Variants in GRIK3 observed in about 807,000 individuals in gnomAD.
GRIK3 encodes glutamate receptor ionotropic, kainate 3.
GRIK3 carries 29 observed loss-of-function variants against 102.5 expected under a neutral mutation model. The observed-to-expected ratio is 0.28, with a 90% CI of 0.21 to 0.39. The LOEUF is 0.39. Among genes scored for constraint, GRIK3 ranks in the 10% least tolerant of loss-of-function variants. The pLI is 1.00. For synonymous variants in GRIK3, 511 were observed against 504.9 expected (o/e 1.01, Z -0.16); for missense variants, 908 against 1,252.4 (o/e 0.73, Z 4.15).
At chr1:36,915,074 A>G (rs1461042218) in intron 1 of GRIK3, among the ~76,000 whole-genome samples, 2 of 152,216 alleles carry the variant, frequency 1.3e-5, no homozygotes, top group Non-Finnish European at 2.9e-5. Context: ...AACACCCCAG[A>G]AAAAGATGTT....
intron 4 of GRIK3, among the ~76,000 whole-genome samples, chr1:36,870,703 C>A (rs1640833377): frequency 1.3e-5 from 2 of 152,302 alleles, no homozygotes; most frequent in African/African-American, 2.4e-5. Context: ...ATCAGACAGA[C>A]CTGGGAGTCC....
chr1:37,026,729 C>A (rs1326783037), intron 1 of GRIK3, among the ~76,000 whole-genome samples: 1 of 151,988 alleles, frequency 6.6e-6, no homozygotes, highest in East Asian at 1.9e-4. Flanking sequence ...CGGTGACTTC[C>A]CCAAGGTCAC....
At chr1:36,843,338 A>G (rs959224236) in intron 9 of GRIK3, among the ~76,000 whole-genome samples, 2 of 152,150 alleles carry the variant, frequency 1.3e-5, no homozygotes, top group Admixed American at 1.3e-4. Context: ...ATTCAACACA[A>G]TTGAGTTCCT....
intron 10 of GRIK3, among the ~76,000 whole-genome samples, chr1:36,834,954 T>C (rs1480710771): frequency 6.6e-6 from 1 of 152,232 alleles, no homozygotes; most frequent in East Asian, 1.9e-4. Flanking sequence ...AGCAGCCTAA[T>C]AGTCACTTCC....
intron 1 of GRIK3, among the ~76,000 whole-genome samples, chr1:36,931,196 G>C (rs566438897): frequency 4.6e-5 from 7 of 152,330 alleles, no homozygotes; most frequent in African/African-American, 1.7e-4. Context: ...GGAGACCTGA[G>C]ATGACTCTTA....
In GRIK3 at chr1:36,868,715, T is replaced by C. The variant is rs1056630479; in HGVS notation, c.786+1033A>G. On this transcript the variant is annotated intron_variant, in intron 5 of 15. Transcript: ENST00000373091. ...GCCTCTTGGCCTTTGCTTATGCTGT[T>C]CCTTCTGCATACAATGTCCTTCCTC... Among the ~76,000 whole-genome samples the C allele has an allele frequency of 8.5e-5, 13 of 152,232 alleles. 1 individual carries two copies. Among genetic ancestry groups the C allele is most frequent in the African/African-American group, 3.1e-4 (13 of 41,464 alleles).
At chr1:36,908,284 G>A (rs148186156) in intron 1 of GRIK3, among the ~76,000 whole-genome samples, 2 of 152,332 alleles carry the variant, frequency 1.3e-5, no homozygotes, top group Non-Finnish European at 2.9e-5. Flanking sequence ...TTACTGGGGG[G>A]CAGTGTCAAC....
At chr1:36,991,570 G>C (rs1384262407) in intron 1 of GRIK3, among the ~76,000 whole-genome samples, 2 of 152,196 alleles carry the variant, frequency 1.3e-5, no homozygotes, top group Non-Finnish European at 2.9e-5. Context: ...GGTGTGAAAA[G>C]CAACGTGCCT....
intron 1 of GRIK3, among the ~76,000 whole-genome samples, chr1:36,961,426 G>A (rs942532685): frequency 5.9e-5 from 9 of 152,200 alleles, no homozygotes; most frequent in Admixed American, 4.6e-4. Context: ...GAGAGAGGAC[G>A]AGGACAGTGG....
At chr1:36,907,803 GGGCACCACAGA>G (rs1292035517) in intron 1 of GRIK3, among the ~76,000 whole-genome samples, 1 of 152,032 alleles carries the variant, frequency 6.6e-6, no homozygotes, top group Non-Finnish European at 1.5e-5. Flanking sequence ...AAATATTGAG[GGGCACCACAGA>G]GGTTCAGAGA....
At chr1:36,858,104 T>C (rs1212785522) in intron 7 of GRIK3, among the ~76,000 whole-genome samples, 1 of 152,232 alleles carries the variant, frequency 6.6e-6, no homozygotes, top group Non-Finnish European at 1.5e-5. Context: ...CCACTGCCCT[T>C]GGTGTTGCCT....
At chr1:37,033,560 TG>T in intron 1 of GRIK3, among the ~76,000 whole-genome samples, 1 of 151,706 alleles carries the variant, frequency 6.6e-6, no homozygotes, top group East Asian at 2.0e-4. Context: ...ATGCCAGAGG[TG>T]GGGACGAAGG....
At chr1:36,957,405 CGTG>C (rs1641925515) in intron 1 of GRIK3, among the ~76,000 whole-genome samples, 4 of 122,130 alleles carry the variant, frequency 3.3e-5, no homozygotes, top group African/African-American at 9.8e-5. Flanking sequence ...ATCTGTGCCC[CGTG>C]AGCCTGTGTG....
intron 1 of GRIK3, among the ~76,000 whole-genome samples, chr1:37,017,396 G>A (rs78906094): frequency 0.051 from 3,614 of 70,564 alleles, 202 homozygotes; most frequent in African/African-American, 0.16. Flanking sequence ...AAAAAAAAAA[G>A]AAGAAGAAAA....
Position 36,850,287 on chromosome 1 carries a change from C to T in GRIK3, c.1326+24G>A. 1.4e-6 allele frequency: 2 copies of T among 1,475,836 alleles called. No homozygotes were observed. Among genetic ancestry groups the T allele is most frequent in the South Asian group, 2.3e-5 (2 of 88,480 alleles). 91.4% of individuals were successfully genotyped at this position (1,475,836 alleles called of 1,614,324 possible). A position where few individuals can be genotyped will look rare whatever the true frequency, so the allele number is the denominator to read the frequency against. On this transcript the variant is annotated intron_variant, in intron 9 of 15. Transcript: ENST00000373091. This position sits in a 1 kb window ranked among gnomAD's most constrained non-coding sequence, Gnocchi z 4.0. The stretch of plus-strand genomic sequence containing the variant: ...CCCACCCCCAGGTCGGACAGTCCTT[C>T]CTGCAGGGGCTGCAGGCTCTTACCA...
At chr1:37,004,468 C>G (rs772899015) in intron 1 of GRIK3, among the ~76,000 whole-genome samples, 1 of 152,178 alleles carries the variant, frequency 6.6e-6, no homozygotes. Flanking sequence ...CAGTGGGGGT[C>G]TGGGGTCTGA....
Position 36,806,256 on chromosome 1 carries a change from T to C in GRIK3, c.2162A>G (p.Asn721Ser). Residue 721 changes from asparagine (N) to serine (S), a missense_variant, in exon 14 of 16, where the codon AAC becomes AGC. By Grantham distance (46) the Asn-to-Ser change is conservative. This residue lies in a region of GRIK3 where 297 missense variants were observed against 362.7 expected (regional missense o/e 0.82). Coordinates refer to ENST00000373091, the MANE Select transcript of GRIK3 (RefSeq NM_000831.4). The surrounding 1 kb of genome is among the most constrained non-coding windows in gnomAD (Gnocchi z 4.0). ...MSSKPSALVK[N>S]NEEGIQRALT... ...GGCCCTCTGGATGCCCTCCTCGTTG[T>C]TCTTCACCAGCGCCGATGGCTTGCT... 2 of 1,614,216 alleles carry C rather than the reference T, an allele frequency of 1.2e-6. No individual in the cohort carries two copies. The highest frequency in any genetic ancestry group is 1.7e-6 in the Non-Finnish European group (2 of 1,180,004).
At chr1:36,896,798 A>C (rs1360638047) in intron 1 of GRIK3, among the ~76,000 whole-genome samples, 1 of 152,194 alleles carries the variant, frequency 6.6e-6, no homozygotes. Context: ...ACATAAAATA[A>C]AAGTAAATGA....
At position 36,912,693 on chromosome 1, in the gene GRIK3, C is replaced by T. The variant is rs77772332; in HGVS notation, c.116-21597G>A. On this transcript the variant is annotated intron_variant, in intron 1 of 15. Transcript: ENST00000373091. Reference sequence around the variant, plus strand: ...CGTTGTGCTGTGCTGAGTCCTGGGCCCCACTCTCCCCCTTCTCCATTAGGC... The same window carrying T: ...CGTTGTGCTGTGCTGAGTCCTGGGCTCCACTCTCCCCCTTCTCCATTAGGC... 4.3e-4 allele frequency among the ~76,000 whole-genome samples: 65 copies of T among 152,128 alleles called. 2 individuals carry two copies. In the East Asian group the frequency reaches 0.012, roughly 29 times the overall value.
Sources: allele counts gnomAD v4.1 joint callset (sites outside exome capture counted in the v4.1 genomes callset), GRCh38; gene constraint gnomAD v4.1.1; regional missense constraint gnomAD v4.1.1; non-coding constraint Gnocchi (gnomAD v3.1); transcripts MANE v1.5; gene names NCBI Gene and HGNC (gene_info 2026-07-23, HGNC 2026-07-21).